DLGAP4: variants seen among roughly 807,000 people sequenced by gnomAD.
DLGAP4 encodes the protein DLG associated protein 4.
Under a neutral mutation model 86.9 loss-of-function variants are expected in DLGAP4, and 18 were observed. The observed-to-expected ratio is 0.21, with a 90% CI of 0.14 to 0.31. The LOEUF is 0.31. Ranked by LOEUF, DLGAP4 falls within the 10% of genes least tolerant of loss-of-function variation. The probability of loss-of-function intolerance (pLI) is 1.00; values close to 1 mark genes in which losing one functional copy is unlikely to be tolerated. For missense variants in DLGAP4, 1,085 were observed against 1,362.6 expected (o/e 0.80, Z 3.21); for synonymous variants, 548 against 574.3 (o/e 0.95, Z 0.65).
Position 36,432,833 on chromosome 20 carries a change from T to C in DLGAP4, c.999+117T>C. The C allele has an allele frequency of 7.4e-7, 1 of 1,358,774 alleles. No individual in the cohort carries two copies. The highest frequency in any genetic ancestry group is 1.0e-6 in the Non-Finnish European group (1 of 996,492). 84.2% of individuals were successfully genotyped at this position (1,358,774 alleles called of 1,614,324 possible). ...TCACTTCATTCTGGGCCTCTGTGGC[T>C]CAGCTATAAAATGGGTGGCCTAGTG... is the stretch of plus-strand genomic sequence containing the variant. On this transcript the variant is annotated intron_variant, in intron 3 of 12. Transcript: ENST00000339266. This position sits in a 1 kb window ranked among gnomAD's most constrained non-coding sequence, Gnocchi z 6.5.
intron 1 of DLGAP4, among the ~76,000 whole-genome samples, chr20:36,337,651 G>C (rs2065335995): frequency 6.6e-6 from 1 of 152,154 alleles, no homozygotes; most frequent in African/African-American, 2.4e-5. Flanking sequence ...GGATGCAGTT[G>C]TCACAATAAC....
At chr20:36,461,391 G>C in intron 7 of DLGAP4, 1 of 926,584 alleles carries the variant, frequency 1.1e-6, no homozygotes, top group Non-Finnish European at 1.3e-6. Flanking sequence ...CCCTGACGAC[G>C]CGCGCGCGGC....
intron 2 of DLGAP4, among the ~76,000 whole-genome samples, chr20:36,371,500 C>CAT: frequency 1.3e-5 from 2 of 152,302 alleles, no homozygotes; most frequent in African/African-American, 4.8e-5. Context: ...CCAAGATGGC[C>CAT]CTCTCTAAGG....
chr20:36,351,455 A>G (rs2030151894), intron 1 of DLGAP4, among the ~76,000 whole-genome samples: 1 of 151,846 alleles, frequency 6.6e-6, no homozygotes, highest in Non-Finnish European at 1.5e-5. Context: ...AGCTCTCCTT[A>G]TGAGAATCTA....
chr20:36,441,118 C>T (rs887361551), intron 5 of DLGAP4, among the ~76,000 whole-genome samples: 4 of 152,088 alleles, frequency 2.6e-5, no homozygotes, highest in Middle Eastern at 3.2e-3. Flanking sequence ...AGAGCCACAC[C>T]CCTGCTCCAG....
intron 1 of DLGAP4, among the ~76,000 whole-genome samples, chr20:36,355,229 G>C (rs1418789958): frequency 6.6e-6 from 1 of 151,674 alleles, no homozygotes; most frequent in Non-Finnish European, 1.5e-5. Flanking sequence ...ATAACATGTA[G>C]TCTTCACGTC....
intron 1 of DLGAP4, among the ~76,000 whole-genome samples, chr20:36,335,999 C>T (rs2065317929): frequency 6.6e-6 from 1 of 152,192 alleles, no homozygotes; most frequent in Admixed American, 6.5e-5. Flanking sequence ...TTTCTAAGCG[C>T]TGCTCCCACC....
At chr20:36,499,170 CTT>C in intron 8 of DLGAP4, 1 of 1,385,070 alleles carries the variant, frequency 7.2e-7, no homozygotes, top group Non-Finnish European at 1.0e-6. Flanking sequence ...ACGGCTGTGG[CTT>C]TGTGTGTGTG....
At position 36,436,113 on chromosome 20, in the gene DLGAP4, C is replaced by T; in HGVS notation, c.1004C>T (p.Pro335Leu). The change falls in exon 4 of 13, where the codon CCC (proline) becomes CTC (leucine). Residue 335 changes from proline to leucine, a missense_variant. Around this residue, in one of 2 missense-constraint regions of DLGAP4, gnomAD observed 1,082 missense variants for 1,344.1 expected, o/e 0.81. Coordinates refer to ENST00000339266, the MANE Select transcript of DLGAP4 (RefSeq NM_001365621.2). ...QGLAYHYLQV[P>L]GGGGEWSTTL... ...AGTCCTGTGCCCCATCCCCAGGTGC[C>T]CGGCGGCGGCGGCGAGTGGAGCACC... is the stretch of plus-strand genomic sequence containing the variant. The T allele has an allele frequency of 1.3e-6, 2 of 1,568,406 alleles. No homozygotes were observed. Among genetic ancestry groups the T allele is most frequent in the Non-Finnish European group, 1.7e-6 (2 of 1,164,482 alleles).
At chr20:36,367,808 G>A (rs368606277) in intron 2 of DLGAP4, among the ~76,000 whole-genome samples, 36 of 152,234 alleles carry the variant, frequency 2.4e-4, no homozygotes, top group African/African-American at 7.2e-4. Flanking sequence ...GGCCTGCCCC[G>A]TCTCCAACCG....
chr20:36,468,943 T>C (rs1184895987), intron 7 of DLGAP4, among the ~76,000 whole-genome samples: 1 of 152,234 alleles, frequency 6.6e-6, no homozygotes, highest in African/African-American at 2.4e-5. Context: ...TCATTCTTTT[T>C]GTTTTGTTTC....
intron 2 of DLGAP4, among the ~76,000 whole-genome samples, chr20:36,418,096 T>C (rs1253216430): frequency 2.7e-5 from 4 of 150,758 alleles, no homozygotes; most frequent in Non-Finnish European, 5.9e-5. Context: ...CATTTGGTTG[T>C]GTGTGTGTGC....
intron 2 of DLGAP4, among the ~76,000 whole-genome samples, chr20:36,374,493 T>G (rs2031075153): frequency 6.6e-6 from 1 of 152,176 alleles, no homozygotes; most frequent in Non-Finnish European, 1.5e-5. Flanking sequence ...ACAGGGGCCT[T>G]GAATGCCAGG....
chr20:36,380,303 G>A (rs913254923), intron 2 of DLGAP4, among the ~76,000 whole-genome samples: 1 of 151,824 alleles, frequency 6.6e-6, no homozygotes, highest in Non-Finnish European at 1.5e-5. Context: ...CCAGCTACCT[G>A]GGGGGCTGAA....
chr20:36,500,902 G>A lies in DLGAP4; in HGVS notation c.2512+291G>A, dbSNP rs944976733. ...CTCCCTTACTAGTGAAGTAACCTTG[G>A]TCAGGTTACTCCGAGCCCCCATTTC... On this transcript the variant is annotated intron_variant, in intron 10 of 12. Transcript: ENST00000339266. The surrounding 1 kb of genome is among the most constrained non-coding windows in gnomAD (Gnocchi z 4.6). 1.3e-5 allele frequency among the ~76,000 whole-genome samples: 2 copies of A among 152,004 alleles called. No individual in the cohort carries two copies. Among genetic ancestry groups the A allele is most frequent in the Non-Finnish European group, 2.9e-5 (2 of 68,000 alleles).
At chr20:36,456,829 T>G (rs2147602791) in intron 7 of DLGAP4, among the ~76,000 whole-genome samples, 1 of 152,352 alleles carries the variant, frequency 6.6e-6, no homozygotes, top group Non-Finnish European at 1.5e-5. Flanking sequence ...GGGCATTCTG[T>G]ATCCCCTCAG....
intron 6 of DLGAP4, among the ~76,000 whole-genome samples, chr20:36,444,649 AT>A (rs915319611): frequency 4.0e-5 from 6 of 151,418 alleles, no homozygotes; most frequent in Admixed American, 4.0e-4. Flanking sequence ...ATCAAAAAAA[AT>A]TTTTTTTTGA....
At chr20:36,330,875 CTTTTGAGTTTTTA>C (rs2065260761) in intron 1 of DLGAP4, among the ~76,000 whole-genome samples, 1 of 152,278 alleles carries the variant, frequency 6.6e-6, no homozygotes, top group Non-Finnish European at 1.5e-5. Context: ...GCCCGGCCGA[CTTTTGAGTTTTTA>C]TTTTGAGTTT....
chr20:36,317,684 T>C (rs1408278972), intron 1 of DLGAP4, among the ~76,000 whole-genome samples: 2 of 151,764 alleles, frequency 1.3e-5, no homozygotes, highest in Non-Finnish European at 2.9e-5. Context: ...CTTGAACTCT[T>C]GGCCTCAAGC....
Sources: allele counts gnomAD v4.1 joint callset (sites outside exome capture counted in the v4.1 genomes callset), GRCh38; gene constraint gnomAD v4.1.1; regional missense constraint gnomAD v4.1.1; non-coding constraint Gnocchi (gnomAD v3.1); transcripts MANE v1.5; gene names NCBI Gene and HGNC (gene_info 2026-07-23, HGNC 2026-07-21).